Variants in ULK4 observed in about 807,000 individuals in gnomAD.
The protein encoded by ULK4 is inactive serine/threonine-protein kinase ULK4.
In ULK4, 133 loss-of-function variants were observed where a neutral mutation model predicts 160.6. The ratio of observed to expected loss-of-function variants is 0.83; its 90% CI spans 0.72 to 0.96. ULK4 has a LOEUF of 0.96. Among genes scored for constraint, ULK4 ranks in the 40% least tolerant of loss-of-function variants. The pLI, the probability that ULK4 is intolerant of heterozygous loss-of-function variation, is 0.00. For missense variants in ULK4, 1,580 were observed against 1,499.5 expected (o/e 1.05, Z -0.89); for synonymous variants, 534 against 539.8 (o/e 0.99, Z 0.15).
intron 32 of ULK4, among the ~76,000 whole-genome samples, chr3:41,555,191 AACAC>A (rs1653666970): frequency 6.6e-6 from 1 of 152,140 alleles, no homozygotes; most frequent in African/African-American, 2.4e-5. Context: ...AAAAAATACA[AACAC>A]ACACATTCTA....
At chr3:41,850,368 ATC>A (rs1339167643) in intron 17 of ULK4, among the ~76,000 whole-genome samples, 1 of 152,078 alleles carries the variant, frequency 6.6e-6, no homozygotes, top group African/African-American at 2.4e-5. Context: ...CTAGTTCTAG[ATC>A]TCTGAGGAAT....
chr3:41,325,057 T>TACC (rs1255312008), intron 35 of ULK4, among the ~76,000 whole-genome samples: 2 of 152,192 alleles, frequency 1.3e-5, no homozygotes, highest in Non-Finnish European at 2.9e-5. Flanking sequence ...TAGGGCCTGT[T>TACC]ACGGTGGTGA....
intron 3 of ULK4, among the ~76,000 whole-genome samples, chr3:41,936,293 TG>T (rs1332290829): frequency 6.6e-6 from 1 of 152,242 alleles, no homozygotes; most frequent in Non-Finnish European, 1.5e-5. Context: ...TATCGTTTAC[TG>T]TTGTGCAGTC....
chr3:41,516,108 C>G (rs944534868), intron 32 of ULK4, among the ~76,000 whole-genome samples: 1 of 152,040 alleles, frequency 6.6e-6, no homozygotes, highest in Non-Finnish European at 1.5e-5. Flanking sequence ...GATTGAAAAC[C>G]ATTTTCACAC....
intron 32 of ULK4, among the ~76,000 whole-genome samples, chr3:41,552,387 T>C (rs554508843): frequency 6.6e-6 from 1 of 152,066 alleles, no homozygotes; most frequent in South Asian, 2.1e-4. Context: ...AAAAACCTCT[T>C]GGATCTGATA....
chr3:41,882,293 G>A (rs1327009820), intron 17 of ULK4: 9 of 702,750 alleles, frequency 1.3e-5, no homozygotes, highest in African/African-American at 1.0e-4. Context: ...AGTGTGGAAA[G>A]AGAAATAAAT....
Position 41,246,989 on chromosome 3 carries a change from T to C in ULK4, c.3768A>G (p.Ser1256=). 2 of 1,613,680 alleles carry C rather than the reference T, an allele frequency of 1.2e-6. No individual in the cohort carries two copies. Among genetic ancestry groups the C allele is most frequent in the Non-Finnish European group, 8.5e-7 (1 of 1,179,848 alleles). Residue 1256 remains serine (S), a synonymous_variant, in exon 37 of 37, where the codon TCA becomes TCG. Transcript: ENST00000301831. Reference sequence around the variant, plus strand: ...AGGGAGCCACCGCACTGTCGGCAAATGAACTGTAAGAAAAACCAAAGTAGG... The same window carrying C: ...AGGGAGCCACCGCACTGTCGGCAAACGAACTGTAAGAAAAACCAAAGTAGG... ...ALERLAPGSG[S]FADSAVAPLA... is the part of the protein sequence containing the mutation.
intron 32 of ULK4, among the ~76,000 whole-genome samples, chr3:41,520,438 C>T (rs2085895427): frequency 6.6e-6 from 1 of 152,208 alleles, no homozygotes. Flanking sequence ...GCATATACTA[C>T]ATGTGGCTTA....
intron 32 of ULK4, among the ~76,000 whole-genome samples, chr3:41,514,986 G>A (rs2085702860): frequency 6.6e-6 from 1 of 152,156 alleles, no homozygotes. Flanking sequence ...TGTGCATGGT[G>A]GCTCACGCTT....
intron 32 of ULK4, among the ~76,000 whole-genome samples, chr3:41,496,245 T>C (rs2084983956): frequency 6.6e-6 from 1 of 152,094 alleles, no homozygotes; most frequent in African/African-American, 2.4e-5. Context: ...AAACTTCAAA[T>C]TGGAAACACA....
At chr3:41,500,133 G>T (rs1466530488) in intron 32 of ULK4, among the ~76,000 whole-genome samples, 1 of 151,006 alleles carries the variant, frequency 6.6e-6, no homozygotes, top group Non-Finnish European at 1.5e-5. Flanking sequence ...TCTATCAGTT[G>T]GCTTTGTGGA....
At chr3:41,461,515 A>G (rs2083683301) in intron 33 of ULK4, among the ~76,000 whole-genome samples, 1 of 152,216 alleles carries the variant, frequency 6.6e-6, no homozygotes, top group African/African-American at 2.4e-5. Flanking sequence ...GGCCAAAAGC[A>G]ATACATGGCA....
At chr3:41,764,273 G>A (rs1348817094) in intron 21 of ULK4, among the ~76,000 whole-genome samples, 1 of 152,070 alleles carries the variant, frequency 6.6e-6, no homozygotes, top group African/African-American at 2.4e-5. Flanking sequence ...AACAGACTTA[G>A]CAGTTATGAA....
intron 2 of ULK4, among the ~76,000 whole-genome samples, chr3:41,945,985 G>A (rs909112353): frequency 6.6e-6 from 1 of 151,930 alleles, no homozygotes; most frequent in African/African-American, 2.4e-5. Flanking sequence ...TTAATCTGTG[G>A]AGTTAGAAGT....
intron 5 of ULK4, among the ~76,000 whole-genome samples, chr3:41,928,786 C>T (rs571011106): frequency 6.6e-6 from 1 of 152,052 alleles, no homozygotes; most frequent in Non-Finnish European, 1.5e-5. Context: ...AAGTCTAAAC[C>T]AGGAAGAAGT....
chr3:41,463,003 A>T (rs2083725807), intron 33 of ULK4, 84 bp downstream of exon 33: 2 of 1,460,012 alleles, frequency 1.4e-6, no homozygotes, highest in African/African-American at 1.4e-5. Flanking sequence ...AAGACACAAT[A>T]GAGGAAGATA....
chr3:41,308,759 CATTTCAG>C (rs1434446556), intron 35 of ULK4, among the ~76,000 whole-genome samples: 2 of 152,142 alleles, frequency 1.3e-5, no homozygotes, highest in Non-Finnish European at 2.9e-5. Context: ...CTCATTGGAG[CATTTCAG>C]ATTTCAGATT....
intron 30 of ULK4, among the ~76,000 whole-genome samples, chr3:41,654,832 G>A (rs968416794): frequency 6.6e-6 from 1 of 152,210 alleles, no homozygotes; most frequent in African/African-American, 2.4e-5. Context: ...GTCCCCACTA[G>A]AGAAACCTTG....
At chr3:41,474,792 CACCTT>C (rs1401559467) in intron 32 of ULK4, among the ~76,000 whole-genome samples, 1 of 144,150 alleles carries the variant, frequency 6.9e-6, no homozygotes, top group Non-Finnish European at 1.5e-5. Context: ...AAGGAGATAT[CACCTT>C]ACATCTGTCA....
Sources: allele counts gnomAD v4.1 joint callset (sites outside exome capture counted in the v4.1 genomes callset), GRCh38; gene constraint gnomAD v4.1.1; transcripts MANE v1.5; gene names NCBI Gene and HGNC (gene_info 2026-07-23, HGNC 2026-07-21).